The following DPF1 variants were observed in gnomAD, a reference collection of about 807,000 sequenced individuals.
DPF1 encodes the protein zinc finger protein neuro-d4.
A neutral mutation model predicts 58.7 loss-of-function variants in DPF1; 14 were observed. That is an observed-to-expected ratio of 0.24 (90% CI 0.16 to 0.37). DPF1 has a LOEUF of 0.37. DPF1 is among the 10% of genes least tolerant of loss of function. DPF1 has a pLI of 1.00. For missense variants in DPF1, 345 were observed against 529.9 expected, an observed-to-expected ratio of 0.65 and a Z score of 3.43; for synonymous variants, 216 against 216.0, an observed-to-expected ratio of 1.00 and a Z score of 0.00.
chr19:38,211,495 G>A lies in DPF1; in HGVS notation c.*568C>T, dbSNP rs1364047036. On this transcript the variant is annotated 3_prime_UTR_variant, in exon 12 of 12. Coordinates refer to ENST00000355526, the MANE Select transcript of DPF1 (RefSeq NM_001135155.3). The surrounding 1 kb of genome is among the most constrained non-coding windows in gnomAD (Gnocchi z 4.0). The stretch of plus-strand genomic sequence containing the variant: ...CCGTGGGCACCAGGAGGGGCGGGTG[G>A]ACACCACGCCCACCGCCCTGGGCAC... 1 of 152,492 alleles carries A rather than the reference G, an allele frequency of 6.6e-6. No individual in the cohort carries two copies. Among genetic ancestry groups the A allele is most frequent in the Non-Finnish European group, 1.5e-5 (1 of 68,360 alleles). 9.4% of individuals were successfully genotyped at this position (152,492 alleles called of 1,614,324 possible).
chr19:38,217,392 C>CCCCCCCCCGGGGG, intron 7 of DPF1, 68 bp downstream of exon 7: 1 of 1,060,010 alleles, frequency 9.4e-7, no homozygotes, highest in Non-Finnish European at 1.3e-6. Flanking sequence ...CCCACCCCCA[C>CCCCCCCCCGGGGG]CCCCAGCTGG....
rs1436362324 is a variant in DPF1 at position 38,222,154 on chromosome 19, C to A, written c.298+203G>T. ...AAATAACAACAACTGGGCACCTGGG[C>A]CCATGTAGGAGGAGATGCAGTCGCC... On this transcript the variant is annotated intron_variant, in intron 3 of 11. Transcript: ENST00000355526. The surrounding 1 kb of genome is among the most constrained non-coding windows in gnomAD (Gnocchi z 4.9). Among the ~76,000 whole-genome samples the A allele has an allele frequency of 3.3e-5, 5 of 151,610 alleles. No homozygotes were observed. Among genetic ancestry groups the A allele is most frequent in the African/African-American group, 4.8e-5 (2 of 41,282 alleles).
At chr19:38,221,332 G>A (rs1195674417) in intron 3 of DPF1, among the ~76,000 whole-genome samples, 2 of 152,170 alleles carry the variant, frequency 1.3e-5, no homozygotes, top group African/African-American at 4.8e-5. Context: ...GAGGTCAGGA[G>A]TTCGAGACCA....
chr19:38,211,727 C>G lies in DPF1; in HGVS notation c.*336G>C. ...CTTTTTTTTTTTTTTAACTTTTTGT[C>G]TTTTTCTTTAGAAAAAGGCTCTGTC... On this transcript the variant is annotated 3_prime_UTR_variant, in exon 12 of 12. Transcript: ENST00000355526. The surrounding 1 kb of genome is among the most constrained non-coding windows in gnomAD (Gnocchi z 4.0). The G allele has an allele frequency of 4.4e-6, 1 of 229,004 alleles. No homozygotes were observed. Among genetic ancestry groups the G allele is most frequent in the Non-Finnish European group, 8.3e-6 (1 of 119,962 alleles). The allele number at this position is 229,004 out of a possible 1,614,324, so 14.2% of individuals were successfully genotyped here. A position where few individuals can be genotyped will look rare whatever the true frequency, so the allele number is the denominator to read the frequency against.
At position 38,217,882 on chromosome 19, in the gene DPF1, G is replaced by A; in HGVS notation, c.517-6C>T. The stretch of plus-strand genomic sequence containing the variant: ...AGACCCCCGATGCCATATGCCTGTG[G>A]GGAGAGTCAGGAGTGAGGGGCCAAG... On this transcript the variant is annotated splice_region_variant and splice_polypyrimidine_tract_variant and intron_variant, in intron 5 of 11. Coordinates refer to ENST00000355526, the MANE Select transcript of DPF1 (RefSeq NM_001135155.3). The A allele has an allele frequency of 6.2e-7, 1 of 1,614,038 alleles. No individual in the cohort carries two copies. The highest frequency in any genetic ancestry group is 2.2e-5 in the East Asian group (1 of 44,870).
intron 10 of DPF1, 115 bp downstream of exon 10, chr19:38,213,529 A>G: frequency 1.2e-6 from 1 of 831,396 alleles, no homozygotes; most frequent in Non-Finnish European, 2.0e-6. Flanking sequence ...ATGATAACAC[A>G]GGGGACTGGT....
Position 38,216,259 on chromosome 19 carries a change from G to A in DPF1, c.779C>T (p.Ala260Val). Reference sequence around the variant, plus strand: ...GACAGTGCCGTCGGGCGCCTTCTTGGCTGCAAGACAGCAGACAGGCATTGG... The same window carrying A: ...GACAGTGCCGTCGGGCGCCTTCTTGACTGCAAGACAGCAGACAGGCATTGG... ...WVPEAQRKHT[A>V]KKAPDGTVIP... Residue 260 changes from alanine to valine, a missense_variant and splice_region_variant, in exon 9 of 12, where the codon GCC (alanine) becomes GTC (valine). Transcript: ENST00000355526. 16 of 1,614,120 alleles carry A rather than the reference G, an allele frequency of 9.9e-6. No homozygotes were observed. The highest frequency in any genetic ancestry group is 1.3e-5 in the Non-Finnish European group (15 of 1,179,968).
intron 9 of DPF1, among the ~76,000 whole-genome samples, chr19:38,215,350 A>C (rs1331282901): frequency 1.3e-5 from 2 of 151,888 alleles, no homozygotes; most frequent in African/African-American, 2.4e-5. Context: ...AAAATTAGCC[A>C]GGCATGGTGG....
intron 3 of DPF1, among the ~76,000 whole-genome samples, chr19:38,221,366 T>C (rs4803883): frequency 0.19 from 28,551 of 151,354 alleles, 2,773 homozygotes; most frequent in African/African-American, 0.23. Flanking sequence ...GGTGAAACCC[T>C]GTCTCTACTA....
upstream of DPF1, among the ~76,000 whole-genome samples, chr19:38,224,623 C>A (rs1967737898): frequency 1.3e-5 from 2 of 152,118 alleles, no homozygotes; most frequent in South Asian, 4.1e-4. This position sits in a 1 kb window ranked among gnomAD's most constrained non-coding sequence, Gnocchi z 4.5. Context: ...GACTTCTCAC[C>A]AACATGCTTC....
intron 1 of DPF1, chr19:38,223,826 G>A: frequency 3.1e-6 from 1 of 321,144 alleles, no homozygotes; most frequent in Non-Finnish European, 5.6e-6. Flanking sequence ...GCACCCCCGG[G>A]TCATTTCAGT....
chr19:38,226,503 T>TACACACAC (rs60328056), upstream of DPF1, among the ~76,000 whole-genome samples: 8,682 of 133,476 alleles, frequency 0.065, 375 homozygotes, highest in East Asian at 0.21. Flanking sequence ...CGGTCACTTC[T>TACACACAC]ACACACACAC....
At chr19:38,218,834 C>T (rs879086398) in intron 4 of DPF1, 97 bp downstream of exon 4, 9 of 1,573,416 alleles carry the variant, frequency 5.7e-6, no homozygotes, top group East Asian at 4.5e-5. Flanking sequence ...CAGAAGAAAC[C>T]GGGGGGGTTT....
In DPF1 at chr19:38,222,204, G is replaced by C. The variant is rs1032614618; in HGVS notation, c.298+153C>G. On this transcript the variant is annotated intron_variant, in intron 3 of 11. Transcript: ENST00000355526. The surrounding 1 kb of genome is among the most constrained non-coding windows in gnomAD (Gnocchi z 4.9). ...CACTCAGTGACTCAGAGAAACTGTG[G>C]AATCTCTGGGAAACACCCGGGACGC... Among the ~76,000 whole-genome samples the C allele has an allele frequency of 6.6e-6, 1 of 152,148 alleles. No individual in the cohort carries two copies. The highest frequency in any genetic ancestry group is 1.5e-5 in the Non-Finnish European group (1 of 68,024).
chr19:38,213,935 G>C, intron 9 of DPF1, 179 bp from the exon 10 acceptor site: 2 of 583,318 alleles, frequency 3.4e-6, no homozygotes, highest in South Asian at 2.1e-5. Flanking sequence ...GCAGTCCCCC[G>C]GCCACCACAG....
At position 38,218,794 on chromosome 19, in the gene DPF1, G is replaced by A. The variant is rs1261502314; in HGVS notation, c.427-132C>T. 7.2e-6 allele frequency: 11 copies of A among 1,529,150 alleles called. No individual in the cohort carries two copies. In the Admixed American group the frequency reaches 2.0e-4, roughly 27 times the overall value. 94.7% of individuals were successfully genotyped at this position (1,529,150 alleles called of 1,614,324 possible). On this transcript the variant is annotated intron_variant, in intron 4 of 11. Transcript: ENST00000355526. ...GTTCTTCCAAATAGAGATGAAGTCT[G>A]GGAGGATGGTGACTGGGATGCCCAA... is the stretch of plus-strand genomic sequence containing the variant.
At chr19:38,212,198 C>T (rs2146104325) in intron 11 of DPF1, 65 bp from the exon 12 acceptor site, 2 of 1,558,048 alleles carry the variant, frequency 1.3e-6, no homozygotes, top group South Asian at 2.3e-5. Flanking sequence ...CCCCTTCCCA[C>T]CCCGAGGACA....
intron 7 of DPF1, among the ~76,000 whole-genome samples, chr19:38,217,208 C>G (rs1342727520): frequency 6.6e-6 from 1 of 152,138 alleles, no homozygotes; most frequent in Non-Finnish European, 1.5e-5. Context: ...CATCTATCAC[C>G]CCCCCTCCCC....
intron 9 of DPF1, among the ~76,000 whole-genome samples, chr19:38,214,394 G>C (rs1420112117): frequency 6.6e-6 from 1 of 152,162 alleles, no homozygotes. Flanking sequence ...CGGCCCCGGT[G>C]CCATCACAAC....
Sources: allele counts gnomAD v4.1 joint callset (sites outside exome capture counted in the v4.1 genomes callset), GRCh38; gene constraint gnomAD v4.1.1; non-coding constraint Gnocchi (gnomAD v3.1); transcripts MANE v1.5; gene names NCBI Gene and HGNC (gene_info 2026-07-23, HGNC 2026-07-21).